Variants in STARD13 observed in about 807,000 individuals in gnomAD.
STARD13 encodes stAR-related lipid transfer protein 13.
Under a neutral mutation model 106.4 loss-of-function variants are expected in STARD13, and 62 were observed. The observed-to-expected ratio is 0.58, with a 90% CI of 0.48 to 0.72. STARD13 has a LOEUF of 0.72. Among genes scored for constraint, STARD13 ranks in the 30% least tolerant of loss-of-function variants. The pLI is 0.00. For missense variants in STARD13, 1,387 were observed against 1,424.0 expected (o/e 0.97, Z 0.42); for synonymous variants, 565 against 553.0 (o/e 1.02, Z -0.31).
At chr13:33,446,182 C>G in the STARD13 span, among the ~76,000 whole-genome samples, 3 of 152,282 alleles carry the variant, frequency 2.0e-5, no homozygotes. Flanking sequence ...ATTTACCATA[C>G]TAAATTCTCA....
the STARD13 span, among the ~76,000 whole-genome samples, chr13:33,467,950 T>C: frequency 6.6e-6 from 1 of 152,214 alleles, no homozygotes; most frequent in South Asian, 2.1e-4. Context: ...CACAGTTTTG[T>C]TACTTAAGCA....
chr13:33,461,132 T>C, the STARD13 span, among the ~76,000 whole-genome samples: 1 of 152,212 alleles, frequency 6.6e-6, no homozygotes, highest in Non-Finnish European at 1.5e-5. Flanking sequence ...AAACTGTTGC[T>C]GTGTTGGACA....
the STARD13 span, among the ~76,000 whole-genome samples, chr13:33,432,056 G>A: frequency 6.6e-6 from 1 of 152,178 alleles, no homozygotes; most frequent in South Asian, 2.1e-4. Flanking sequence ...AAGTCTCTGA[G>A]GTATAGAAGA....
At chr13:33,466,063 G>A in the STARD13 span, among the ~76,000 whole-genome samples, 1 of 152,136 alleles carries the variant, frequency 6.6e-6, no homozygotes, top group African/African-American at 2.4e-5. Flanking sequence ...TTCTAATAAT[G>A]CCTACTTCAT....
chr13:33,188,092 G>T (rs1240791685), intron 1 of STARD13: 1 of 152,256 alleles, frequency 6.6e-6, no homozygotes, highest in East Asian at 1.9e-4. Flanking sequence ...CCATGGGAAA[G>T]AGCACTGGCC....
At chr13:33,443,452 C>T in the STARD13 span, among the ~76,000 whole-genome samples, 1 of 29,166 alleles carries the variant, frequency 3.4e-5, no homozygotes, top group South Asian at 1.4e-3. Flanking sequence ...AAAAAGGGTC[C>T]CCCCCCCAAA....
chr13:33,285,529 G>C lies in STARD13; in HGVS notation c.110C>G (p.Ser37Cys). 1 of 1,614,076 alleles carries C rather than the reference G, an allele frequency of 6.2e-7. No individual in the cohort carries two copies. ...YLRFDQTTRR[S>C]PYRMSRILAR... ...TAGAATCCGGCTCATCCTGTAAGGA[G>C]AGCGTCTTGTAGTCTGATCAAATCG... The change falls in exon 1 of 14, where the codon TCT (serine) becomes TGT (cysteine). Residue 37 changes from serine to cysteine, a missense_variant. Ser to Cys is a moderately radical substitution (Grantham distance 112). Transcript: ENST00000336934.
chr13:33,540,979 G>C, the STARD13 span, among the ~76,000 whole-genome samples: 1 of 152,192 alleles, frequency 6.6e-6, no homozygotes, highest in African/African-American at 2.4e-5. Context: ...TTTTGCCAGG[G>C]AAGTGCTAAA....
chr13:33,564,445 T>A, the STARD13 span, among the ~76,000 whole-genome samples: 1 of 145,876 alleles, frequency 6.9e-6, no homozygotes, highest in African/African-American at 2.6e-5. Context: ...TTGGTGGGAA[T>A]GTAAATTAGT....
At chr13:33,200,173 G>A (rs1886915815) in intron 1 of STARD13, among the ~76,000 whole-genome samples, 1 of 152,342 alleles carries the variant, frequency 6.6e-6, no homozygotes, top group Middle Eastern at 3.4e-3. Context: ...CCTGTGGTCT[G>A]CTGACACAGC....
At chr13:33,575,532 A>T in the STARD13 span, among the ~76,000 whole-genome samples, 1 of 152,010 alleles carries the variant, frequency 6.6e-6, no homozygotes, top group Non-Finnish European at 1.5e-5. Context: ...GGCCTATGGG[A>T]GGTGTTTAGG....
intron 6 of STARD13, among the ~76,000 whole-genome samples, chr13:33,127,062 G>T (rs1566003386): frequency 6.6e-6 from 1 of 152,180 alleles, no homozygotes; most frequent in Non-Finnish European, 1.5e-5. Context: ...CAAACTGCCA[G>T]GATTATTTTA....
the STARD13 span, among the ~76,000 whole-genome samples, chr13:33,437,736 T>A: frequency 6.6e-6 from 1 of 152,248 alleles, no homozygotes; most frequent in Non-Finnish European, 1.5e-5. Flanking sequence ...CTCCTTTGAT[T>A]TACATGTTCA....
Position 33,118,213 on chromosome 13 carries a change from G to T in STARD13, c.2133C>A (p.Arg711=). ...SGVKSRIHAL[R]QMNENFPENV... ...TCTCAGGGAAGTTTTCATTCATTTG[G>T]CGAAGGGCATGGATTCGAGACTTCA... is the stretch of plus-strand genomic sequence containing the variant. The change falls in exon 8 of 14, where the codon CGC becomes CGA. Residue 711 remains arginine (R), a synonymous_variant. Coordinates refer to ENST00000336934, the MANE Select transcript of STARD13 (RefSeq NM_178006.4). 4 of 1,614,168 alleles carry T rather than the reference G, an allele frequency of 2.5e-6. No individual in the cohort carries two copies. Among genetic ancestry groups the T allele is most frequent in the Non-Finnish European group, 3.4e-6 (4 of 1,180,048 alleles).
At chr13:33,615,530 C>T in the STARD13 span, among the ~76,000 whole-genome samples, 147 of 152,330 alleles carry the variant, frequency 9.7e-4, no homozygotes, top group African/African-American at 3.4e-3. Context: ...CCCAGAATAG[C>T]ACAGAGCTAA....
At chr13:33,150,268 A>G (rs1177658961) in intron 3 of STARD13, among the ~76,000 whole-genome samples, 1 of 152,248 alleles carries the variant, frequency 6.6e-6, no homozygotes. Flanking sequence ...TGAGTATGAC[A>G]GGCTATGAGT....
chr13:33,201,208 C>T (rs897247963), intron 1 of STARD13, among the ~76,000 whole-genome samples: 2 of 152,156 alleles, frequency 1.3e-5, no homozygotes, highest in Non-Finnish European at 2.9e-5. Context: ...AGAGCTTCAG[C>T]GGGTGGCATT....
the STARD13 span, among the ~76,000 whole-genome samples, chr13:33,455,661 C>T: frequency 4.7e-4 from 72 of 152,084 alleles, 1 homozygote; most frequent in Admixed American, 1.2e-3. Context: ...CGGCCAGGCA[C>T]GGTGGCTCAC....
At chr13:33,517,694 T>C in the STARD13 span, among the ~76,000 whole-genome samples, 201 of 152,270 alleles carry the variant, frequency 1.3e-3, no homozygotes, top group African/African-American at 3.9e-3. Context: ...TCAATCCAGC[T>C]CAAGGGAGCA....
Sources: allele counts gnomAD v4.1 joint callset (sites outside exome capture counted in the v4.1 genomes callset), GRCh38; gene constraint gnomAD v4.1.1; transcripts MANE v1.5; gene names NCBI Gene and HGNC (gene_info 2026-07-23, HGNC 2026-07-21).